CATSPERE: variants seen among roughly 807,000 people sequenced by gnomAD.
CATSPERE encodes cation channel sperm-associated auxiliary subunit epsilon.
Under a neutral mutation model 114.1 loss-of-function variants are expected in CATSPERE, and 93 were observed. The observed-to-expected ratio is 0.81, with a 90% CI of 0.69 to 0.97. The LOEUF is 0.97. Among genes scored for constraint, CATSPERE ranks in the 50% least tolerant of loss-of-function variants. The pLI, the probability that CATSPERE is intolerant of heterozygous loss-of-function variation, is 0.00. For synonymous variants in CATSPERE, 341 were observed against 384.1 expected, an observed-to-expected ratio of 0.89 and a Z score of 1.31; for missense variants, 1,058 against 1,131.6, an observed-to-expected ratio of 0.93 and a Z score of 0.93.
At chr1:244,466,196 TA>T (rs1667579836) in intron 2 of CATSPERE, among the ~76,000 whole-genome samples, 1 of 152,214 alleles carries the variant, frequency 6.6e-6, no homozygotes, top group South Asian at 2.1e-4. Context: ...ACCAATGTAG[TA>T]GTTCAATATG....
At chr1:244,481,062 C>A (rs1426904253) in intron 5 of CATSPERE, among the ~76,000 whole-genome samples, 1 of 152,014 alleles carries the variant, frequency 6.6e-6, no homozygotes, top group Non-Finnish European at 1.5e-5. Flanking sequence ...ATCACTTGAC[C>A]CCAGAAATTT....
chr1:244,501,461 A>G (rs1374977565), intron 7 of CATSPERE, among the ~76,000 whole-genome samples: 1 of 152,230 alleles, frequency 6.6e-6, no homozygotes, highest in Non-Finnish European at 1.5e-5. Context: ...TTAATTTCTC[A>G]TGGGACTGTT....
upstream of CATSPERE, among the ~76,000 whole-genome samples, chr1:244,460,023 C>CA (rs1445038950): frequency 2.6e-5 from 4 of 152,206 alleles, no homozygotes; most frequent in African/African-American, 9.6e-5. Context: ...ACCATCTTTG[C>CA]AAAATTATGA....
chr1:244,518,560 A>C, intron 7 of CATSPERE, 32 bp from the exon 8 acceptor site: 2 of 1,288,506 alleles, frequency 1.6e-6, no homozygotes, highest in Non-Finnish European at 2.2e-6. Context: ...CTATGAAAAT[A>C]ATAAAAAATG....
chr1:244,495,518 T>C (rs1262216336), intron 6 of CATSPERE, among the ~76,000 whole-genome samples: 1 of 151,952 alleles, frequency 6.6e-6, no homozygotes, highest in African/African-American at 2.4e-5. Flanking sequence ...GTCAGGAGAT[T>C]GAGACCATCC....
intron 1 of CATSPERE, among the ~76,000 whole-genome samples, chr1:244,455,527 G>T (rs1476561380): frequency 1.3e-5 from 2 of 150,760 alleles, no homozygotes; most frequent in African/African-American, 4.9e-5. Context: ...TTTAAAGAGC[G>T]CTATGGTTAA....
At chr1:244,613,515 T>C (rs1671001682) in intron 19 of CATSPERE, among the ~76,000 whole-genome samples, 1 of 152,184 alleles carries the variant, frequency 6.6e-6, no homozygotes, top group Admixed American at 6.5e-5. Flanking sequence ...AATGTAATTA[T>C]AGGATAATTC....
At chr1:244,567,672 C>T (rs944931328) in intron 10 of CATSPERE, among the ~76,000 whole-genome samples, 2 of 151,662 alleles carry the variant, frequency 1.3e-5, no homozygotes, top group African/African-American at 2.4e-5. Flanking sequence ...ACAAAGTTCT[C>T]GTGCTGTGAA....
chr1:244,582,547 C>T lies in CATSPERE; in HGVS notation c.2009+693C>T, dbSNP rs979762371. Among the ~76,000 whole-genome samples, 6 of 152,088 alleles carry T rather than the reference C, an allele frequency of 3.9e-5. No individual in the cohort carries two copies. In the East Asian group the frequency reaches 5.8e-4, roughly 15 times the overall value. On this transcript the variant is annotated intron_variant, in intron 12 of 21. Transcript: ENST00000366534. ...CCTCCCGAGTAGCTGGGATTACAGG[C>T]ATGCGCCACCACGGCCGGCTAATTT...
At chr1:244,593,745 TC>T (rs1237537738) in intron 17 of CATSPERE, among the ~76,000 whole-genome samples, 167 bp downstream of exon 17, 3 of 152,152 alleles carry the variant, frequency 2.0e-5, no homozygotes, top group African/African-American at 4.8e-5. Context: ...GCCGTGATGG[TC>T]CCTGCATGTT....
intron 13 of CATSPERE, among the ~76,000 whole-genome samples, chr1:244,584,718 A>G (rs1204212838): frequency 6.6e-6 from 1 of 152,178 alleles, no homozygotes. Context: ...AAAGCGAAAT[A>G]GGACCTGGCC....
At chr1:244,629,462 A>G (rs1673627063) in intron 20 of CATSPERE, among the ~76,000 whole-genome samples, 1 of 145,792 alleles carries the variant, frequency 6.9e-6, no homozygotes. Flanking sequence ...TCTCAACAGT[A>G]TATCATGTAC....
At chr1:244,583,781 G>T (rs1169757916) in intron 12 of CATSPERE, 83 bp from the exon 13 acceptor site, 2 of 1,272,454 alleles carry the variant, frequency 1.6e-6, no homozygotes, top group Non-Finnish European at 2.3e-6. Flanking sequence ...GTGCACATGG[G>T]ACTTTGCACT....
Position 244,477,902 on chromosome 1 carries a change from C to G in CATSPERE, c.189-4C>G, listed in dbSNP as rs1287750596. 3 of 1,599,598 alleles carry G rather than the reference C, an allele frequency of 1.9e-6. No individual in the cohort carries two copies. The highest frequency in any genetic ancestry group is 2.6e-6 in the Non-Finnish European group (3 of 1,168,536). ...TTATTCTTTCTCATCTTTTTAAACA[C>G]TAGCTCACCCACGACAGAATTGCGT... On this transcript the variant is annotated splice_polypyrimidine_tract_variant and splice_region_variant and intron_variant, in intron 3 of 21. Coordinates refer to ENST00000366534, the MANE Select transcript of CATSPERE (RefSeq NM_001130957.2).
intron 6 of CATSPERE, among the ~76,000 whole-genome samples, chr1:244,491,649 C>T (rs1439309261): frequency 6.6e-6 from 1 of 152,224 alleles, no homozygotes; most frequent in East Asian, 1.9e-4. Flanking sequence ...ATTAATGAAT[C>T]CAGGAGCTGG....
At chr1:244,614,985 G>A (rs950567754) in intron 19 of CATSPERE, among the ~76,000 whole-genome samples, 2 of 151,860 alleles carry the variant, frequency 1.3e-5, no homozygotes, top group Non-Finnish European at 2.9e-5. Context: ...CAACCTGGCT[G>A]GGGCACTGGC....
intron 18 of CATSPERE, among the ~76,000 whole-genome samples, chr1:244,606,304 G>A (rs1669992680): frequency 6.6e-6 from 1 of 152,092 alleles, no homozygotes; most frequent in Non-Finnish European, 1.5e-5. Flanking sequence ...GTAGGCCGCA[G>A]CAGAGTGGTC....
intron 12 of CATSPERE, 79 bp from the exon 13 acceptor site, chr1:244,583,785 T>C: frequency 1.5e-6 from 2 of 1,339,608 alleles, no homozygotes; most frequent in South Asian, 2.5e-5. Context: ...ACATGGGACT[T>C]TGCACTTGCT....
chr1:244,610,982 A>C (rs1670652298), intron 19 of CATSPERE, among the ~76,000 whole-genome samples: 1 of 151,668 alleles, frequency 6.6e-6, no homozygotes, highest in African/African-American at 2.4e-5. Flanking sequence ...GCTGGTTTTG[A>C]CTCCTGACCT....
Sources: allele counts gnomAD v4.1 joint callset (sites outside exome capture counted in the v4.1 genomes callset), GRCh38; gene constraint gnomAD v4.1.1; transcripts MANE v1.5; gene names NCBI Gene and HGNC (gene_info 2026-07-23, HGNC 2026-07-21).